PDE8B: variants seen among roughly 807,000 people sequenced by gnomAD.
The protein encoded by PDE8B is high affinity cAMP-specific and IBMX-insensitive 3',5'-cyclic phosphodiesterase 8B.
PDE8B carries 26 observed loss-of-function variants against 101.3 expected under a neutral mutation model. The observed-to-expected ratio is 0.26, with a 90% CI of 0.19 to 0.36. PDE8B has a LOEUF of 0.36. PDE8B is among the 10% of genes least tolerant of loss of function. PDE8B has a pLI of 1.00. For synonymous variants in PDE8B, 424 were observed against 429.3 expected, an observed-to-expected ratio of 0.99 and a Z score of 0.15; for missense variants, 810 against 1,163.1, an observed-to-expected ratio of 0.70 and a Z score of 4.42.
chr5:77,294,162 C>T (rs976629713), intron 1 of PDE8B, among the ~76,000 whole-genome samples: 2 of 152,174 alleles, frequency 1.3e-5, no homozygotes, highest in African/African-American at 4.8e-5. Context: ...ATTGACAGAG[C>T]ACACAGTCCA....
chr5:77,368,936 C>T (rs1784588359), intron 10 of PDE8B, among the ~76,000 whole-genome samples: 1 of 152,160 alleles, frequency 6.6e-6, no homozygotes, highest in African/African-American at 2.4e-5. Context: ...GGCGCAGTGG[C>T]TCACGCCTGT....
At chr5:77,318,055 CAAAAAAAAAA>C (rs55952764) in intron 2 of PDE8B, among the ~76,000 whole-genome samples, 2 of 57,190 alleles carry the variant, frequency 3.5e-5, no homozygotes, top group Non-Finnish European at 6.4e-5. Flanking sequence ...GACTCCATCT[CAAAAAAAAAA>C]AAAAAAAAAA....
chr5:77,357,849 C>T (rs946123872), intron 10 of PDE8B, among the ~76,000 whole-genome samples: 14 of 152,214 alleles, frequency 9.2e-5, no homozygotes, highest in African/African-American at 3.4e-4. Flanking sequence ...CTTCTGTAGG[C>T]CTCCAGACAG....
the PDE8B span, among the ~76,000 whole-genome samples, chr5:77,111,415 T>G: frequency 6.6e-6 from 1 of 152,208 alleles, no homozygotes; most frequent in African/African-American, 2.4e-5. Flanking sequence ...GTCTGATATC[T>G]GTGGAAGATA....
chr5:77,326,408 C>T (rs1776069829), intron 3 of PDE8B, among the ~76,000 whole-genome samples: 1 of 152,124 alleles, frequency 6.6e-6, no homozygotes, highest in Non-Finnish European at 1.5e-5. Flanking sequence ...AGACAGAGTC[C>T]AGTTGCATGG....
At chr5:77,290,572 G>A in intron 1 of PDE8B, 2 of 1,499,200 alleles carry the variant, frequency 1.3e-6, no homozygotes, top group East Asian at 4.5e-5. Context: ...GTACTAGGAA[G>A]CTTGGTGTCT....
the PDE8B span, among the ~76,000 whole-genome samples, chr5:77,120,153 G>T: frequency 6.6e-6 from 1 of 152,136 alleles, no homozygotes; most frequent in Admixed American, 6.5e-5. Flanking sequence ...AAGCATGCTG[G>T]GTGAAAAAAG....
At chr5:77,143,446 T>C in the PDE8B span, among the ~76,000 whole-genome samples, 1 of 144,386 alleles carries the variant, frequency 6.9e-6, no homozygotes, top group Non-Finnish European at 1.6e-5. Flanking sequence ...CAATGAGCTA[T>C]GTTATAATGG....
At position 77,426,870 on chromosome 5, in the gene PDE8B, A is replaced by T. The variant is rs1374579155; in HGVS notation, c.*316A>T. Reference sequence around the variant, plus strand: ...GTAACTAGCAGGCCACAGGAAGCAAAGCCTTGGTGCCTGTGAGCTCATCTC... The same window carrying T: ...GTAACTAGCAGGCCACAGGAAGCAATGCCTTGGTGCCTGTGAGCTCATCTC... On this transcript the variant is annotated 3_prime_UTR_variant, in exon 22 of 22. Coordinates refer to ENST00000264917, the MANE Select transcript of PDE8B (RefSeq NM_003719.5). 2.8e-6 allele frequency: 1 copy of T among 361,418 alleles called. No homozygotes were observed. Among genetic ancestry groups the T allele is most frequent in the African/African-American group, 2.1e-5 (1 of 47,382 alleles). The allele number at this position is 361,418 out of a possible 1,614,324, so 22.4% of individuals were successfully genotyped here.
intron 1 of PDE8B, among the ~76,000 whole-genome samples, chr5:77,256,863 A>G (rs1759288173): frequency 6.6e-6 from 1 of 152,174 alleles, no homozygotes; most frequent in Non-Finnish European, 1.5e-5. Context: ...TTTGACTAAA[A>G]ATTTACTTTA....
chr5:77,409,763 C>G (rs992807372), intron 14 of PDE8B, among the ~76,000 whole-genome samples: 1 of 152,228 alleles, frequency 6.6e-6, no homozygotes, highest in African/African-American at 2.4e-5. Flanking sequence ...GAGTCTGAAG[C>G]TGGAATTCTT....
intron 1 of PDE8B, among the ~76,000 whole-genome samples, chr5:77,216,963 G>T (rs540025984): frequency 6.6e-6 from 1 of 152,354 alleles, no homozygotes; most frequent in East Asian, 1.9e-4. Context: ...CCTCGGTATA[G>T]ATAAACTAAA....
chr5:77,166,382 A>G, the PDE8B span, among the ~76,000 whole-genome samples: 1 of 152,198 alleles, frequency 6.6e-6, no homozygotes, highest in Non-Finnish European at 1.5e-5. Context: ...AGGTCTAGGC[A>G]TTACTAAATC....
At chr5:77,378,009 T>TACACACAC (rs3031820) in intron 10 of PDE8B, among the ~76,000 whole-genome samples, 1,869 of 134,454 alleles carry the variant, frequency 0.014, 28 homozygotes, top group South Asian at 0.034. Flanking sequence ...CCTCTCTCTC[T>TACACACAC]ACACACACAC....
the PDE8B span, among the ~76,000 whole-genome samples, chr5:77,098,444 C>T: frequency 5.9e-5 from 9 of 152,006 alleles, no homozygotes; most frequent in Non-Finnish European, 1.2e-4. Flanking sequence ...CCACTATACC[C>T]ACCTAATTTA....
the PDE8B span, among the ~76,000 whole-genome samples, chr5:77,166,248 C>T: frequency 8.4e-6 from 1 of 118,590 alleles, no homozygotes; most frequent in Non-Finnish European, 1.8e-5. Flanking sequence ...AAAAAAAAAC[C>T]AACAAAAAAA....
intron 1 of PDE8B, chr5:77,291,892 A>G: frequency 8.7e-7 from 1 of 1,142,956 alleles, no homozygotes; most frequent in Non-Finnish European, 1.3e-6. Flanking sequence ...CCTTGAATAA[A>G]TGCATTATTA....
At chr5:77,141,961 A>G in the PDE8B span, 1 of 152,238 alleles carries the variant, frequency 6.6e-6, no homozygotes, top group Admixed American at 6.5e-5. Context: ...ATCCATGTAT[A>G]AAGTATCTAT....
At position 77,426,532 on chromosome 5, in the gene PDE8B, T is replaced by A; in HGVS notation, c.2636T>A (p.Leu879Ter). The A allele has an allele frequency of 6.2e-7, 1 of 1,610,578 alleles. No individual in the cohort carries two copies. The highest frequency in any genetic ancestry group is 8.5e-7 in the Non-Finnish European group (1 of 1,176,810). Reference protein sequence around the residue: ...KTLDDLKCKSLRLPSDS With the variant: ...KTLDDLKCKS ...CTAGATGACCTAAAGTGCAAAAGTT[T>A]GAGGCTTCCATCTGACAGCTAAAGC... The change falls in exon 22 of 22, where the codon TTG (leucine) becomes TAG (stop). Residue 879 changes from leucine (L) to a stop codon, truncating the protein, a stop_gained. Coordinates refer to ENST00000264917, the MANE Select transcript of PDE8B (RefSeq NM_003719.5). LOFTEE classifies it high-confidence loss of function.
Sources: gnomAD v4.1 joint callset for allele counts (sites outside exome capture counted in the v4.1 genomes callset) on GRCh38, gnomAD v4.1.1 for gene constraint, MANE v1.5 for transcripts, NCBI Gene and HGNC (gene_info 2026-07-23, HGNC 2026-07-21) for gene names.